NKAIN3: variants seen among roughly 807,000 people sequenced by gnomAD.
NKAIN3 encodes sodium/potassium transporting ATPase interacting 3, also known as sodium/potassium-transporting ATPase subunit beta-1-interacting protein 3.
A neutral mutation model predicts 30.2 loss-of-function variants in NKAIN3; 25 were observed. The observed-to-expected ratio is 0.83, with a 90% CI of 0.60 to 1.16. NKAIN3 has a LOEUF of 1.16. Among genes scored for constraint, NKAIN3 ranks in the 50% most tolerant of loss-of-function variants. NKAIN3 has a pLI of 0.00. For missense variants in NKAIN3, 225 were observed against 254.1 expected (o/e 0.89, Z 0.78); for synonymous variants, 91 against 89.6 (o/e 1.02, Z -0.09).
At chr8:62,667,350 T>TATATGTATATATATATAA (rs1563507996) in intron 3 of NKAIN3, among the ~76,000 whole-genome samples, 2,293 of 77,402 alleles carry the variant, frequency 0.03, 140 homozygotes, top group African/African-American at 0.13. Flanking sequence ...ATATTCTTTA[T>TATATGTATATATATATAA]ATATATATCT....
intron 3 of NKAIN3, among the ~76,000 whole-genome samples, chr8:62,727,814 T>C (rs1815309033): frequency 6.6e-6 from 1 of 152,202 alleles, no homozygotes; most frequent in Non-Finnish European, 1.5e-5. Context: ...AATCCAAAGT[T>C]GTTCTGTGGA....
intron 1 of NKAIN3, among the ~76,000 whole-genome samples, chr8:62,476,419 G>A (rs1202264226): frequency 6.6e-6 from 1 of 150,822 alleles, no homozygotes; most frequent in African/African-American, 2.4e-5. Flanking sequence ...GTATCTTTTT[G>A]TTTCTATGGT....
intron 1 of NKAIN3, among the ~76,000 whole-genome samples, chr8:62,287,208 G>A (rs915778914): frequency 6.6e-6 from 1 of 151,782 alleles, no homozygotes; most frequent in Non-Finnish European, 1.5e-5. Context: ...TGTTAGATTA[G>A]TCTCTGGTTC....
At chr8:62,805,316 G>T (rs954181452) in intron 4 of NKAIN3, among the ~76,000 whole-genome samples, 7 of 151,646 alleles carry the variant, frequency 4.6e-5, no homozygotes, top group Non-Finnish European at 7.4e-5. Flanking sequence ...AAGTTCATAT[G>T]GAACCAAAAA....
intron 3 of NKAIN3, among the ~76,000 whole-genome samples, chr8:62,639,126 G>A (rs373884532): frequency 6.6e-6 from 1 of 152,124 alleles, no homozygotes; most frequent in East Asian, 1.9e-4. Context: ...GTAGGCTGAG[G>A]CAGACAGACA....
intron 1 of NKAIN3, among the ~76,000 whole-genome samples, chr8:62,281,744 A>G (rs1280767578): frequency 6.6e-6 from 1 of 152,052 alleles, no homozygotes. Context: ...TATATTAAGC[A>G]TGTATTTATA....
At chr8:62,290,185 C>A (rs1012861055) in intron 1 of NKAIN3, among the ~76,000 whole-genome samples, 1 of 152,186 alleles carries the variant, frequency 6.6e-6, no homozygotes, top group Non-Finnish European at 1.5e-5. Flanking sequence ...ATGTCATCTG[C>A]AAGCAGGGAC....
At chr8:62,778,600 A>T (rs767656450) in intron 4 of NKAIN3, among the ~76,000 whole-genome samples, 2 of 152,042 alleles carry the variant, frequency 1.3e-5, no homozygotes, top group Admixed American at 1.3e-4. Flanking sequence ...CTCTCCCTTC[A>T]GGGAAGTGGG....
intron 1 of NKAIN3, among the ~76,000 whole-genome samples, chr8:62,397,850 G>A (rs1050409328): frequency 1.2e-4 from 18 of 152,130 alleles, no homozygotes; most frequent in African/African-American, 4.1e-4. Flanking sequence ...GAAAGAGTTT[G>A]GATGTGGGAA....
At chr8:62,935,778 G>A (rs1350060) in intron 5 of NKAIN3, among the ~76,000 whole-genome samples, 16,007 of 152,062 alleles carry the variant, frequency 0.11, 979 homozygotes, top group East Asian at 0.2. Flanking sequence ...AATTTAAGTG[G>A]ATATGAGGAG....
chr8:62,529,285 T>A (rs1465827560), intron 1 of NKAIN3, among the ~76,000 whole-genome samples: 1 of 152,230 alleles, frequency 6.6e-6, no homozygotes, highest in East Asian at 1.9e-4. Context: ...ACTGAGGCTG[T>A]CTGTAGTTTT....
intron 1 of NKAIN3, among the ~76,000 whole-genome samples, chr8:62,261,105 A>C (rs1284690890): frequency 6.6e-6 from 1 of 152,142 alleles, no homozygotes; most frequent in African/African-American, 2.4e-5. Context: ...TTTCTTCATA[A>C]GGCCAGTTTT....
chr8:62,845,841 A>G (rs1239713037), intron 4 of NKAIN3, among the ~76,000 whole-genome samples: 1 of 152,096 alleles, frequency 6.6e-6, no homozygotes, highest in Non-Finnish European at 1.5e-5. Context: ...TTTGTTCACC[A>G]CACACCCAAA....
rs142269650 is a variant in NKAIN3, at chr8:62,773,457, T to C, written c.471+26328T>C. Among the ~76,000 whole-genome samples, 476 of 152,292 alleles carry C rather than the reference T, an allele frequency of 3.1e-3. 1 individual carries two copies. Among genetic ancestry groups the C allele is most frequent in the African/African-American group, 0.01 (418 of 41,568 alleles). The stretch of plus-strand genomic sequence containing the variant: ...CAGTACCATGTTGTTTTGGTTACTG[T>C]AGCTCTGCAGCATAATTTGAAATCA... On this transcript the variant is annotated intron_variant, in intron 4 of 6. Coordinates refer to ENST00000623646, the MANE Select transcript of NKAIN3 (RefSeq NM_001304533.3).
In NKAIN3 at chr8:62,310,690, G is replaced by T. The variant is rs538495940; in HGVS notation, c.54+61563G>T. ...CTGATCAGGTACTGAATAAGTAGAG[G>T]AGTTGGTTCCATTTGCGCATCCTCG... On this transcript the variant is annotated intron_variant, in intron 1 of 6. Transcript: ENST00000623646. Among the ~76,000 whole-genome samples, 20 of 150,402 alleles carry T rather than the reference G, an allele frequency of 1.3e-4. No individual in the cohort carries two copies. The South Asian group carries it at 3.5e-3, about 26-fold the overall frequency.
chr8:62,365,532 A>G (rs1395775448), intron 1 of NKAIN3, among the ~76,000 whole-genome samples: 3 of 152,182 alleles, frequency 2.0e-5, no homozygotes, highest in African/African-American at 7.2e-5. Context: ...TGTATTCTAT[A>G]TAGAGGAATG....
At chr8:62,644,319 C>T (rs1031110425) in intron 3 of NKAIN3, among the ~76,000 whole-genome samples, 2 of 152,068 alleles carry the variant, frequency 1.3e-5, no homozygotes, top group African/African-American at 4.8e-5. Flanking sequence ...CTCAAAATAT[C>T]CTGACTTCAG....
In NKAIN3 at chr8:62,965,986, G is replaced by T. The variant is rs1406794178; in HGVS notation, c.*579G>T. 1 of 984,694 alleles carries T rather than the reference G, an allele frequency of 1.0e-6. No individual in the cohort carries two copies. Among genetic ancestry groups the T allele is most frequent in the Non-Finnish European group, 1.2e-6 (1 of 829,462 alleles). 61.0% of individuals were successfully genotyped at this position (984,694 alleles called of 1,614,324 possible). On this transcript the variant is annotated 3_prime_UTR_variant, in exon 7 of 7. Coordinates refer to ENST00000623646, the MANE Select transcript of NKAIN3 (RefSeq NM_001304533.3). ...TTCCTGACTTCTTAAAACCCAGAAC[G>T]ATATTATGGCAATCTAAATTTTCAG... is the stretch of plus-strand genomic sequence containing the variant.
At chr8:62,992,442 A>G (rs1824340262) in intron 5 of NKAIN3, among the ~76,000 whole-genome samples, 1 of 152,066 alleles carries the variant, frequency 6.6e-6, no homozygotes, top group African/African-American at 2.4e-5. Context: ...TTTTTGAATC[A>G]GTGAAACTTC....
Sources: allele counts gnomAD v4.1 joint callset (sites outside exome capture counted in the v4.1 genomes callset), GRCh38; gene constraint gnomAD v4.1.1; transcripts MANE v1.5; gene names NCBI Gene and HGNC (gene_info 2026-07-23, HGNC 2026-07-21).